Variants in YAP1 observed in about 807,000 individuals in gnomAD.
YAP1 encodes the protein transcriptional coactivator YAP1.
Under a neutral mutation model 56.9 loss-of-function variants are expected in YAP1, and 5 were observed. The ratio of observed to expected loss-of-function variants is 0.09; its 90% CI spans 0.05 to 0.18. The LOEUF is 0.18. YAP1 is among the 10% of genes least tolerant of loss of function. The probability of loss-of-function intolerance (pLI) is 1.00; values close to 1 mark genes in which losing one functional copy is unlikely to be tolerated. For synonymous variants in YAP1, 265 were observed against 248.1 expected (o/e 1.07, Z -0.64); for missense variants, 539 against 651.8 (o/e 0.83, Z 1.88).
chr11:102,196,849 T>C (rs1389303602), intron 4 of YAP1, among the ~76,000 whole-genome samples: 1 of 152,162 alleles, frequency 6.6e-6, no homozygotes, highest in Non-Finnish European at 1.5e-5. Context: ...TATTCAGTCA[T>C]TAGGTTAGGA....
chr11:102,160,839 C>T (rs922764716), intron 2 of YAP1, among the ~76,000 whole-genome samples: 2 of 152,106 alleles, frequency 1.3e-5, no homozygotes, highest in African/African-American at 2.4e-5. Flanking sequence ...TGACTGTGCC[C>T]CATCAATAAT....
intron 1 of YAP1, among the ~76,000 whole-genome samples, chr11:102,113,587 C>G (rs1183702241): frequency 1.3e-5 from 2 of 151,918 alleles, no homozygotes; most frequent in Non-Finnish European, 2.9e-5. Context: ...TTGGGCAGTT[C>G]AAATTTGTTG....
At chr11:102,124,754 G>T (rs752428946) in intron 2 of YAP1, among the ~76,000 whole-genome samples, 17 of 152,042 alleles carry the variant, frequency 1.1e-4, no homozygotes, top group Admixed American at 5.9e-4. Flanking sequence ...TGATGTGGGA[G>T]GGGGGCGGTC....
chr11:102,132,867 C>T (rs1944448454), intron 2 of YAP1, among the ~76,000 whole-genome samples: 1 of 152,090 alleles, frequency 6.6e-6, no homozygotes, highest in Non-Finnish European at 1.5e-5. Context: ...TTATTTTTTA[C>T]TGGCATAGGG....
chr11:102,111,511 G>T (rs573456829), intron 1 of YAP1, among the ~76,000 whole-genome samples: 5 of 79,740 alleles, frequency 6.3e-5, no homozygotes, highest in South Asian at 1.1e-3. Flanking sequence ...AGGAAGGAAG[G>T]GGGTGGGGAA....
At chr11:102,228,165 T>G (rs1950285114) in intron 8 of YAP1, among the ~76,000 whole-genome samples, 1 of 152,206 alleles carries the variant, frequency 6.6e-6, no homozygotes, top group Non-Finnish European at 1.5e-5. Flanking sequence ...CTGACAACCC[T>G]GTTAGAACAT....
At chr11:102,228,466 C>G (rs1950302750) in intron 8 of YAP1, among the ~76,000 whole-genome samples, 1 of 151,812 alleles carries the variant, frequency 6.6e-6, no homozygotes, top group East Asian at 1.9e-4. Flanking sequence ...GAAACCCTGT[C>G]TCTACTAAAA....
intron 4 of YAP1, among the ~76,000 whole-genome samples, chr11:102,196,626 CTTT>C (rs1221884329): frequency 7.9e-6 from 1 of 126,270 alleles, no homozygotes; most frequent in Non-Finnish European, 1.7e-5. Context: ...GTTTTTGTGA[CTTT>C]TTTTTTTTTT....
At chr11:102,156,546 G>A (rs540430039) in intron 2 of YAP1, among the ~76,000 whole-genome samples, 1 of 152,048 alleles carries the variant, frequency 6.6e-6, no homozygotes, top group Non-Finnish European at 1.5e-5. Flanking sequence ...TCCCTGTAAG[G>A]TGATTATTAC....
At chr11:102,219,741 C>T (rs1427100553) in intron 6 of YAP1, among the ~76,000 whole-genome samples, 1 of 151,578 alleles carries the variant, frequency 6.6e-6, no homozygotes, top group African/African-American at 2.4e-5. Flanking sequence ...TACCTGATGA[C>T]CTGGTTTTTT....
At chr11:102,189,810 A>G (rs1280247248) in intron 4 of YAP1, among the ~76,000 whole-genome samples, 1 of 152,262 alleles carries the variant, frequency 6.6e-6, no homozygotes, top group Admixed American at 6.5e-5. Flanking sequence ...ATTTATTAAA[A>G]TAAGACTAAA....
rs1947943997 is a variant in YAP1, at chr11:102,186,353, G to A, written c.802+222G>A. ...TTAGGGCTCCTCAGGTTGGGGTGGG[G>A]GAATGTCATAATGGCCGACTAACCA... On this transcript the variant is annotated intron_variant, in intron 4 of 8. Coordinates refer to ENST00000282441, the MANE Select transcript of YAP1 (RefSeq NM_001130145.3). 3 of 446,160 alleles carry A rather than the reference G, an allele frequency of 6.7e-6. No homozygotes were observed. In the South Asian group the frequency reaches 7.8e-5, roughly 12 times the overall value. The allele number at this position is 446,160 out of a possible 1,614,324, so 27.6% of individuals were successfully genotyped here.
chr11:102,218,504 A>G (rs764621511), intron 6 of YAP1, among the ~76,000 whole-genome samples: 7 of 152,232 alleles, frequency 4.6e-5, no homozygotes, highest in Non-Finnish European at 7.3e-5. Flanking sequence ...ATTTCGATCC[A>G]TACTTGGTTG....
intron 4 of YAP1, among the ~76,000 whole-genome samples, chr11:102,197,509 G>GAA (rs35803742): frequency 3.3e-5 from 5 of 151,618 alleles, no homozygotes; most frequent in African/African-American, 4.8e-5. Context: ...GAAACTTGGG[G>GAA]AAAAAAAACC....
At chr11:102,218,558 A>T (rs1303280618) in intron 6 of YAP1, among the ~76,000 whole-genome samples, 1 of 152,202 alleles carries the variant, frequency 6.6e-6, no homozygotes, top group Non-Finnish European at 1.5e-5. Context: ...TTCATGCCAA[A>T]TTCTTCCCTA....
At chr11:102,134,121 G>C (rs75490932) in intron 2 of YAP1, among the ~76,000 whole-genome samples, 2 of 152,114 alleles carry the variant, frequency 1.3e-5, no homozygotes, top group Non-Finnish European at 2.9e-5. Context: ...GGGAGGACAC[G>C]GATATTTAGT....
intron 6 of YAP1, among the ~76,000 whole-genome samples, chr11:102,209,944 A>G (rs1474688523): frequency 6.6e-6 from 1 of 152,238 alleles, no homozygotes; most frequent in East Asian, 1.9e-4. Context: ...CAAAAGCAGT[A>G]TTTACTTGGA....
In YAP1 at chr11:102,183,702, C is replaced by CTGTGTGTGTGTGTGTGTGTGTGTGTG. The variant is rs140546191; in HGVS notation, c.689-2304_689-2279dup. On this transcript the variant is annotated intron_variant, in intron 3 of 8. Coordinates refer to ENST00000282441, the MANE Select transcript of YAP1 (RefSeq NM_001130145.3). ...GCTAAGGTGGGGAATAATGCTGTTT[C>CTGTGTGTGTGTGTGTGTGTGTGTGTG]TGTGTGTGTGTGTGTGTGTGTGTGT... Among the ~76,000 whole-genome samples the CTGTGTGTGTGTGTGTGTGTGTGTGTG allele has an allele frequency of 3.2e-3, 448 of 141,770 alleles. 7 individuals are homozygous for CTGTGTGTGTGTGTGTGTGTGTGTGTG. Among genetic ancestry groups the CTGTGTGTGTGTGTGTGTGTGTGTGTG allele is most frequent in the African/African-American group, 0.011 (425 of 37,668 alleles). 93.0% of individuals were successfully genotyped at this position (141,770 alleles called of 152,430 possible).
chr11:102,142,587 A>G (rs568037085), intron 2 of YAP1, among the ~76,000 whole-genome samples: 2 of 152,384 alleles, frequency 1.3e-5, no homozygotes, highest in Admixed American at 1.3e-4. Flanking sequence ...GACACTTTCC[A>G]TAGCTTTGAG....
Sources: allele counts gnomAD v4.1 joint callset (sites outside exome capture counted in the v4.1 genomes callset), GRCh38; gene constraint gnomAD v4.1.1; transcripts MANE v1.5; gene names NCBI Gene and HGNC (gene_info 2026-07-23, HGNC 2026-07-21).